Variants in PDE8B observed in about 807,000 individuals in gnomAD.
PDE8B encodes phosphodiesterase 8B, also known as high affinity cAMP-specific and IBMX-insensitive 3',5'-cyclic phosphodiesterase 8B.
Under a neutral mutation model 101.3 loss-of-function variants are expected in PDE8B, and 26 were observed. The observed-to-expected ratio is 0.26, with a 90% confidence interval of 0.19 to 0.36. The LOEUF (loss-of-function observed/expected upper bound fraction) is 0.36. Among genes scored for constraint, PDE8B ranks in the 10% least tolerant of loss-of-function variants. The probability of loss-of-function intolerance (pLI) is 1.00; values close to 1 mark genes in which losing one functional copy is unlikely to be tolerated. For synonymous variants in PDE8B, 424 were observed against 429.3 expected (o/e 0.99, Z 0.15); for missense variants, 810 against 1,163.1 (o/e 0.70, Z 4.42).
At chr5:77,408,500 G>A (rs1333334069) in intron 13 of PDE8B, among the ~76,000 whole-genome samples, 1 of 152,158 alleles carries the variant, frequency 6.6e-6, no homozygotes, top group African/African-American at 2.4e-5. Flanking sequence ...CAAGCCTGGA[G>A]GTCAAAGGAA....
intron 1 of PDE8B, among the ~76,000 whole-genome samples, chr5:77,274,011 A>G (rs972538885): frequency 6.6e-6 from 1 of 151,836 alleles, no homozygotes. Context: ...TAGTAGAGAC[A>G]AAGTTTCTCC....
the PDE8B span, among the ~76,000 whole-genome samples, chr5:77,175,870 C>T: frequency 1.3e-5 from 2 of 152,000 alleles, no homozygotes; most frequent in South Asian, 2.1e-4. Flanking sequence ...TATATAGATA[C>T]GCACATACAT....
chr5:77,405,746 G>A (rs906664559), intron 12 of PDE8B, among the ~76,000 whole-genome samples: 21 of 152,122 alleles, frequency 1.4e-4, no homozygotes, highest in African/African-American at 2.4e-4. Flanking sequence ...TGAGAAAGGC[G>A]GTGGCCAGCA....
the PDE8B span, among the ~76,000 whole-genome samples, chr5:77,127,163 A>T: frequency 1.3e-5 from 2 of 152,144 alleles, no homozygotes; most frequent in Non-Finnish European, 2.9e-5. Context: ...ACCCAGGTGA[A>T]TGGTTTGGCT....
At position 77,420,764 on chromosome 5, in the gene PDE8B, AAGT is replaced by A. The variant is rs1185340362; in HGVS notation, c.2250+879_2250+881del. Among the ~76,000 whole-genome samples the A allele has an allele frequency of 3.3e-5, 5 of 152,298 alleles. No homozygotes were observed. In the East Asian group the frequency reaches 9.7e-4, roughly 29 times the overall value. ...AGGATCTGGGGATTTAGAGAAGGAAAAGTATAGAGATTCATAGAACTAGGAAGG... is the reference window on the plus strand; with the variant it reads ...AGGATCTGGGGATTTAGAGAAGGAAAATAGAGATTCATAGAACTAGGAAGG... On this transcript the variant is annotated intron_variant, in intron 19 of 21. Coordinates refer to ENST00000264917, the MANE Select transcript of PDE8B (RefSeq NM_003719.5).
chr5:77,230,752 G>A (rs1301049536), intron 1 of PDE8B, among the ~76,000 whole-genome samples: 1 of 152,150 alleles, frequency 6.6e-6, no homozygotes. Context: ...GCCATTCTGT[G>A]CATTTCTAAA....
chr5:77,172,754 AG>A, the PDE8B span, among the ~76,000 whole-genome samples: 1 of 152,178 alleles, frequency 6.6e-6, no homozygotes, highest in African/African-American at 2.4e-5. Flanking sequence ...AGTGCTGACT[AG>A]GGGGAGCACA....
At chr5:77,161,431 T>G in the PDE8B span, among the ~76,000 whole-genome samples, 2 of 152,226 alleles carry the variant, frequency 1.3e-5, no homozygotes, top group Non-Finnish European at 2.9e-5. Context: ...TCCATTTGAT[T>G]TGATTAATTT....
intron 8 of PDE8B, 79 bp from the exon 9 acceptor site, chr5:77,350,985 TC>T (rs1781004732): frequency 8.1e-6 from 8 of 984,216 alleles, no homozygotes; most frequent in Non-Finnish European, 1.3e-5. Flanking sequence ...GAATGTTCCT[TC>T]TCAGCCTTCT....
intron 10 of PDE8B, among the ~76,000 whole-genome samples, chr5:77,368,796 T>C (rs2150648202): frequency 6.6e-6 from 1 of 152,318 alleles, no homozygotes; most frequent in East Asian, 1.9e-4. Context: ...ACAGAAGGAA[T>C]AAGACAGCCC....
intron 7 of PDE8B, 63 bp downstream of exon 7, chr5:77,344,994 C>A: frequency 9.5e-7 from 1 of 1,057,506 alleles, no homozygotes; most frequent in Non-Finnish European, 1.5e-6. Flanking sequence ...TTAAGCCACA[C>A]TTTTTATCAA....
intron 1 of PDE8B, among the ~76,000 whole-genome samples, chr5:77,218,233 T>G (rs1197532277): frequency 6.6e-6 from 1 of 152,270 alleles, no homozygotes; most frequent in Non-Finnish European, 1.5e-5. Context: ...GTAAACAGGA[T>G]AGCTATAATA....
chr5:77,347,967 A>G (rs886656542), intron 7 of PDE8B, among the ~76,000 whole-genome samples: 3 of 152,122 alleles, frequency 2.0e-5, no homozygotes, highest in Non-Finnish European at 2.9e-5. Flanking sequence ...CCTGAGTACT[A>G]CATGTCAGTA....
At chr5:77,190,283 G>A in the PDE8B span, among the ~76,000 whole-genome samples, 1 of 152,168 alleles carries the variant, frequency 6.6e-6, no homozygotes, top group African/African-American at 2.4e-5. Flanking sequence ...AGTTTAACAT[G>A]CCATGGTCAA....
intron 1 of PDE8B, among the ~76,000 whole-genome samples, chr5:77,305,457 C>T (rs1297213769): frequency 1.3e-5 from 2 of 152,072 alleles, no homozygotes; most frequent in East Asian, 3.9e-4. Context: ...CCAGCAGGGC[C>T]CACAACTGAG....
chr5:77,205,501 TTC>T (rs2112261247), upstream of PDE8B, among the ~76,000 whole-genome samples: 1 of 152,298 alleles, frequency 6.6e-6, no homozygotes, highest in East Asian at 1.9e-4. Flanking sequence ...AGGCATTCGT[TTC>T]TCTGTCTCCA....
the PDE8B span, among the ~76,000 whole-genome samples, chr5:77,183,875 A>G: frequency 1.3e-5 from 2 of 152,080 alleles, no homozygotes; most frequent in Non-Finnish European, 2.9e-5. Context: ...ATTTATTTAT[A>G]TATTTCTGCA....
At chr5:77,394,550 G>C (rs1019488691) in intron 10 of PDE8B, among the ~76,000 whole-genome samples, 1 of 152,100 alleles carries the variant, frequency 6.6e-6, no homozygotes, top group Non-Finnish European at 1.5e-5. Context: ...ACATTCTGTG[G>C]GCTCAGGCAG....
At chr5:77,297,735 T>C (rs924634131) in intron 1 of PDE8B, among the ~76,000 whole-genome samples, 1 of 152,220 alleles carries the variant, frequency 6.6e-6, no homozygotes, top group Admixed American at 6.5e-5. Context: ...TCTAGCCACA[T>C]GGTCTGTTCC....
Sources: gnomAD v4.1 joint callset for allele counts (sites outside exome capture counted in the v4.1 genomes callset) on GRCh38, gnomAD v4.1.1 for gene constraint, MANE v1.5 for transcripts, NCBI Gene and HGNC (gene_info 2026-07-23, HGNC 2026-07-21) for gene names.